SLC5A10: variants seen among roughly 807,000 people sequenced by gnomAD.
The protein encoded by SLC5A10 is solute carrier family 5 member 10, also known as sodium/mannose cotransporter SLC5A10.
Under a neutral mutation model 68.9 loss-of-function variants are expected in SLC5A10, and 55 were observed. The observed-to-expected ratio is 0.80, with a 90% confidence interval of 0.64 to 1.00. The LOEUF is 1.00. Ranked by LOEUF, SLC5A10 falls within the 50% of genes least tolerant of loss-of-function variation. The pLI, the probability that SLC5A10 is intolerant of heterozygous loss-of-function variation, is 0.00. For synonymous variants in SLC5A10, 344 were observed against 344.8 expected (o/e 1.00, Z 0.02); for missense variants, 732 against 819.3 (o/e 0.89, Z 1.30).
At chr17:18,990,545 T>C (rs2043390496) in intron 9 of SLC5A10, among the ~76,000 whole-genome samples, 1 of 152,228 alleles carries the variant, frequency 6.6e-6, no homozygotes, top group Admixed American at 6.5e-5. Flanking sequence ...GGACTTGCCC[T>C]GGGCTTGGGC....
chr17:19,022,410 AGG>A lies in SLC5A10; in HGVS notation c.*1982_*1983del, dbSNP rs965086767. ...GCTGGGACAATAGGGCTGGTGGGTC[AGG>A]GGACCTGAGTCCTGGTCCTTAGGGT... On this transcript the variant is annotated 3_prime_UTR_variant, in exon 15 of 15. Coordinates refer to ENST00000395645, the MANE Select transcript of SLC5A10 (RefSeq NM_001042450.4). The A allele has an allele frequency of 8.0e-6, 3 of 373,086 alleles. No individual in the cohort carries two copies. Among genetic ancestry groups the A allele is most frequent in the Admixed American group, 4.6e-5 (1 of 21,884 alleles). The allele number at this position is 373,086 out of a possible 1,614,324, so 23.1% of individuals were successfully genotyped here.
chr17:18,999,409 G>A (rs2043665639), intron 9 of SLC5A10, among the ~76,000 whole-genome samples: 1 of 152,242 alleles, frequency 6.6e-6, no homozygotes, highest in African/African-American at 2.4e-5. Context: ...GGGAATGGGA[G>A]GGTGCTCAGG....
chr17:18,994,685 G>C (rs945483645), intron 9 of SLC5A10, among the ~76,000 whole-genome samples: 7 of 152,134 alleles, frequency 4.6e-5, no homozygotes, highest in Non-Finnish European at 8.8e-5. Flanking sequence ...TCCTGCAGGG[G>C]GTGTCCTCAG....
At chr17:18,954,854 C>T (rs11656642) in intron 1 of SLC5A10, among the ~76,000 whole-genome samples, 4 of 152,056 alleles carry the variant, frequency 2.6e-5, no homozygotes, top group African/African-American at 9.7e-5. Context: ...GGGTGGATCA[C>T]GAGGTCAGGA....
At chr17:18,955,636 A>G (rs548083424) in intron 1 of SLC5A10, among the ~76,000 whole-genome samples, 1 of 152,402 alleles carries the variant, frequency 6.6e-6, no homozygotes, top group East Asian at 1.9e-4. Context: ...TGCAGTGCAC[A>G]GCGTACACAT....
rs1465452147 is a variant in SLC5A10, at chr17:19,017,054, C to A, written c.1241+1855C>A. Among the ~76,000 whole-genome samples the A allele has an allele frequency of 1.3e-5, 2 of 152,190 alleles. No individual in the cohort carries two copies. The highest frequency in any genetic ancestry group is 4.8e-5 in the African/African-American group (2 of 41,448). ...CTGCTGCGCCAGCTCACCCAGCTGC[C>A]CGTGCCCTTGACCCTCCTTCCCACC... On this transcript the variant is annotated intron_variant, in intron 11 of 14. Coordinates refer to ENST00000395645, the MANE Select transcript of SLC5A10 (RefSeq NM_001042450.4). The surrounding 1 kb of genome is among the most constrained non-coding windows in gnomAD (Gnocchi z 5.6).
Position 18,952,242 on chromosome 17 carries a change from G to A in SLC5A10, c.37G>A (p.Gly13Arg), listed in dbSNP as rs757159430. Reference protein sequence around the residue: ...ANSTSDLHTPGTQLSVADIIV... With the variant: ...ANSTSDLHTPRTQLSVADIIV... ...CTCCACCAGCGACCTCCACACTCCC[G>A]GGACGCAGCTGAGCGTGGCTGACAT... The change falls in exon 1 of 15, where the codon GGG (glycine) becomes AGG (arginine). Residue 13 changes from glycine to arginine, a missense_variant. By Grantham distance (125) the Gly-to-Arg change is moderately radical (BLOSUM62 -2). Coordinates refer to ENST00000395645, the MANE Select transcript of SLC5A10 (RefSeq NM_001042450.4). 2.4e-5 allele frequency: 39 copies of A among 1,613,696 alleles called. No homozygotes were observed. The highest frequency in any genetic ancestry group is 2.2e-4 in the Admixed American group (13 of 59,970).
chr17:19,015,930 G>A (rs376080500), intron 11 of SLC5A10, among the ~76,000 whole-genome samples: 16 of 152,192 alleles, frequency 1.1e-4, no homozygotes, highest in African/African-American at 3.9e-4. Flanking sequence ...CTTTAGTGGC[G>A]ATTTCTCAGA....
chr17:19,007,037 A>G (rs1209925969), intron 9 of SLC5A10, among the ~76,000 whole-genome samples: 1 of 152,224 alleles, frequency 6.6e-6, no homozygotes, highest in African/African-American at 2.4e-5. Flanking sequence ...TTTCTCTGGC[A>G]TAAGTGCCCA....
At position 19,017,453 on chromosome 17, in the gene SLC5A10, A is replaced by C; in HGVS notation, c.1242-1970A>C. On this transcript the variant is annotated intron_variant, in intron 11 of 14. Coordinates refer to ENST00000395645, the MANE Select transcript of SLC5A10 (RefSeq NM_001042450.4). The surrounding 1 kb of genome is among the most constrained non-coding windows in gnomAD (Gnocchi z 5.6). ...GGGAGAGGCGAGGCTTACAGAGAGA[A>C]GACCAACAGCCCAGAGGCCTGGAGA... The C allele has an allele frequency of 1.3e-6, 2 of 1,484,132 alleles. No homozygotes were observed. Among genetic ancestry groups the C allele is most frequent in the Admixed American group, 3.9e-5 (2 of 50,840 alleles). The allele number at this position is 1,484,132 out of a possible 1,614,324, so 91.9% of individuals were successfully genotyped here.
At chr17:19,006,780 G>A (rs920221285) in intron 9 of SLC5A10, among the ~76,000 whole-genome samples, 3 of 152,168 alleles carry the variant, frequency 2.0e-5, no homozygotes, top group Non-Finnish European at 4.4e-5. Context: ...GGAAGATATA[G>A]TATATAAACT....
intron 9 of SLC5A10, among the ~76,000 whole-genome samples, chr17:18,983,348 G>A (rs940278987): frequency 6.6e-6 from 1 of 152,262 alleles, no homozygotes; most frequent in African/African-American, 2.4e-5. Context: ...CCCACAGCAG[G>A]TCAACAGCCA....
At chr17:18,988,673 G>A (rs951706104) in intron 9 of SLC5A10, among the ~76,000 whole-genome samples, 3 of 152,238 alleles carry the variant, frequency 2.0e-5, no homozygotes, top group Non-Finnish European at 4.4e-5. Context: ...GGCCGGCTAC[G>A]CTCTGCCCTC....
At chr17:18,981,159 T>C (rs191791059) in intron 9 of SLC5A10, among the ~76,000 whole-genome samples, 2 of 152,224 alleles carry the variant, frequency 1.3e-5, no homozygotes, top group Admixed American at 1.3e-4. Context: ...GAAAACAAGC[T>C]GAATGCCCAG....
rs2044272826 is a variant in SLC5A10, at chr17:19,022,026, C to A, written c.*1595C>A. On this transcript the variant is annotated 3_prime_UTR_variant, in exon 15 of 15. Transcript: ENST00000395645. ...AACGCGCCCGCAGGACCGGCCCCGCCACCAGTGGGGGTCTGGGCGCTCCAG... is the reference window on the plus strand; with the variant it reads ...AACGCGCCCGCAGGACCGGCCCCGCAACCAGTGGGGGTCTGGGCGCTCCAG... The A allele has an allele frequency of 1.9e-6, 3 of 1,599,508 alleles. No individual in the cohort carries two copies. Among genetic ancestry groups the A allele is most frequent in the Non-Finnish European group, 2.6e-6 (3 of 1,173,932 alleles).
At chr17:18,978,146 G>A (rs2043032384) in intron 9 of SLC5A10, 1 of 1,530,062 alleles carries the variant, frequency 6.5e-7, no homozygotes, top group African/African-American at 1.4e-5. Flanking sequence ...GACTGTCCGG[G>A]GCTTGGGCAC....
intron 9 of SLC5A10, among the ~76,000 whole-genome samples, chr17:19,010,261 T>C (rs748738214): frequency 9.2e-5 from 14 of 152,094 alleles, no homozygotes; most frequent in Non-Finnish European, 1.5e-4. Context: ...GGACTGGGCA[T>C]TGGCCATGGG....
In SLC5A10 at chr17:18,971,557, G is replaced by A. The variant is rs377066158; in HGVS notation, c.846+339G>A. 25 of 1,613,806 alleles carry A rather than the reference G, an allele frequency of 1.5e-5. No homozygotes were observed. The highest frequency in any genetic ancestry group is 1.3e-4 in the African/African-American group (10 of 75,044). On this transcript the variant is annotated intron_variant, in intron 8 of 14. Coordinates refer to ENST00000395645, the MANE Select transcript of SLC5A10 (RefSeq NM_001042450.4). The surrounding 1 kb of genome is among the most constrained non-coding windows in gnomAD (Gnocchi z 5.5). ...CATTTTGGGCCAGTCTTGGGCTGCC[G>A]GGATCCGGAAGCAGGCGGGGTACCT...
At chr17:18,954,700 C>T (rs973958877) in intron 1 of SLC5A10, among the ~76,000 whole-genome samples, 3 of 152,190 alleles carry the variant, frequency 2.0e-5, no homozygotes, top group African/African-American at 7.2e-5. Flanking sequence ...GAGGAGGGGA[C>T]TTTGAGCTGA....
Sources: allele counts gnomAD v4.1 joint callset (sites outside exome capture counted in the v4.1 genomes callset), GRCh38; gene constraint gnomAD v4.1.1; non-coding constraint Gnocchi (gnomAD v3.1); transcripts MANE v1.5; gene names NCBI Gene and HGNC (gene_info 2026-07-23, HGNC 2026-07-21).